Variants in ZDHHC15 observed in about 807,000 individuals in gnomAD.
ZDHHC15 encodes zDHHC palmitoyltransferase 15, also known as palmitoyltransferase ZDHHC15.
A neutral mutation model predicts 31.7 loss-of-function variants in ZDHHC15; 19 were observed. The observed-to-expected ratio is 0.60, with a 90% CI of 0.42 to 0.88. ZDHHC15 has a LOEUF of 0.88. Ranked by LOEUF, ZDHHC15 falls within the 40% of genes least tolerant of loss-of-function variation. ZDHHC15 has a pLI of 0.00. For missense variants in ZDHHC15, 209 were observed against 251.2 expected (o/e 0.83, Z 1.14); for synonymous variants, 103 against 90.0 (o/e 1.14, Z -0.82).
chrX:75,418,598 G>A (rs1337009842), intron 9 of ZDHHC15, among the ~76,000 whole-genome samples: 1 of 111,843 alleles, frequency 8.9e-6, no homozygotes, highest in Non-Finnish European at 1.9e-5. Flanking sequence ...AAATAGCATG[G>A]TACTGATATG....
chrX:75,487,642 A>T (rs2147999724), intron 2 of ZDHHC15, among the ~76,000 whole-genome samples: 1 of 112,230 alleles, frequency 8.9e-6, no homozygotes, highest in East Asian at 2.8e-4. Flanking sequence ...TCACCAAAAG[A>T]TCACACTAGC....
intron 11 of ZDHHC15, among the ~76,000 whole-genome samples, chrX:75,376,820 A>AAAAT (rs1405893947): frequency 8.9e-6 from 1 of 112,011 alleles, no homozygotes; most frequent in African/African-American, 3.2e-5. Flanking sequence ...CATTTTGAAG[A>AAAAT]AAATATAATC....
Position 75,372,085 on chromosome X carries a change from A to T in ZDHHC15, c.*893T>A, listed in dbSNP as rs748999206. The T allele has an allele frequency of 8.9e-6, 1 of 112,103 alleles. No homozygotes were observed. Among genetic ancestry groups the T allele is most frequent in the Non-Finnish European group, 1.9e-5 (1 of 53,192 alleles). The allele number at this position is 112,103 out of a possible 1,213,427, so 9.2% of individuals were successfully genotyped here. ...ACCCTTAACAAAACCTATGGGCCAT[A>T]ACTTAGGCTTATAGATTTTCTTTCA... On this transcript the variant is annotated 3_prime_UTR_variant, in exon 12 of 12. Transcript: ENST00000373367.
chrX:75,452,374 AC>A (rs2084136785), intron 3 of ZDHHC15, among the ~76,000 whole-genome samples: 1 of 111,474 alleles, frequency 9.0e-6, no homozygotes, highest in African/African-American at 3.3e-5. Context: ...ATACAGGAGC[AC>A]CCAGATTCAT....
In ZDHHC15 at chrX:75,429,063, A is replaced by T; in HGVS notation, c.603+15T>A. On this transcript the variant is annotated intron_variant, in intron 7 of 11. Transcript: ENST00000373367. Reference sequence around the variant, plus strand: ...CATTTGTTCTAGGGGACCCTTCAGGATATTTTTAACTTACTCTCCAGTATT... The same window carrying T: ...CATTTGTTCTAGGGGACCCTTCAGGTTATTTTTAACTTACTCTCCAGTATT... 6 of 1,207,601 alleles carry T rather than the reference A, an allele frequency of 5.0e-6. No individual in the cohort carries two copies. Among genetic ancestry groups the T allele is most frequent in the Non-Finnish European group, 6.7e-6 (6 of 893,862 alleles).
rs189318355 is a variant in ZDHHC15 at position 75,415,070 on chromosome X, G to A, written c.967+2017C>T. Among the ~76,000 whole-genome samples, 429 of 110,849 alleles carry A rather than the reference G, an allele frequency of 3.9e-3. 3 individuals are homozygous for A. The highest frequency in any genetic ancestry group is 0.013 in the African/African-American group (400 of 30,526). On this transcript the variant is annotated intron_variant, in intron 10 of 11. Transcript: ENST00000373367. ...ATTACAAGCGTGAGCTACAGCGCCC[G>A]GCCATACAAGCACATTTATACTAAA...
chrX:75,465,122 T>A (rs1306706497), intron 3 of ZDHHC15, among the ~76,000 whole-genome samples: 1 of 112,139 alleles, frequency 8.9e-6, no homozygotes, highest in Admixed American at 9.5e-5. Context: ...GGATACAAAA[T>A]TAATGTGCAA....
intron 10 of ZDHHC15, among the ~76,000 whole-genome samples, chrX:75,392,470 C>T (rs1052221983): frequency 8.0e-5 from 9 of 112,054 alleles, no homozygotes; most frequent in Non-Finnish European, 1.7e-4. Context: ...TTGTATTCTT[C>T]AGTCCAATCA....
chrX:75,507,447 G>T (rs2085185985), intron 1 of ZDHHC15, among the ~76,000 whole-genome samples: 1 of 110,610 alleles, frequency 9.0e-6, no homozygotes, highest in Admixed American at 9.7e-5. Flanking sequence ...CACTTATCTT[G>T]GTACTTCTGC....
chrX:75,402,406 A>G (rs1242737490), intron 10 of ZDHHC15, among the ~76,000 whole-genome samples: 1 of 111,531 alleles, frequency 9.0e-6, no homozygotes, highest in Admixed American at 9.5e-5. Context: ...GCTGAACTGA[A>G]GGAAATCAAG....
rs938401405 is a variant in ZDHHC15, at chrX:75,505,676, T to C, written c.163+145A>G. 7 of 647,941 alleles carry C rather than the reference T, an allele frequency of 1.1e-5. No individual in the cohort carries two copies. The African/African-American group carries it at 1.6e-4, about 14-fold the overall frequency. 53.4% of individuals were successfully genotyped at this position (647,941 alleles called of 1,213,427 possible). A position where few individuals can be genotyped will look rare whatever the true frequency, so the allele number is the denominator to read the frequency against. ...TGTTTTTCTCTATCTCTGTGTAAGC[T>C]TCCTGAAAACCATCATTCTAAACTT... On this transcript the variant is annotated intron_variant, in intron 2 of 11. Transcript: ENST00000373367.
chrX:75,384,967 G>T, intron 10 of ZDHHC15: 1 of 421,224 alleles, frequency 2.4e-6, no homozygotes, highest in Non-Finnish European at 4.1e-6. Flanking sequence ...GGGCAATTTG[G>T]TACCCTTGAA....
chrX:75,489,523 T>A (rs2084837766), intron 2 of ZDHHC15, among the ~76,000 whole-genome samples: 1 of 112,038 alleles, frequency 8.9e-6, no homozygotes, highest in Non-Finnish European at 1.9e-5. Flanking sequence ...GACCTGCAGC[T>A]GAGGGTCCTC....
chrX:75,454,807 C>A (rs1602654343), intron 3 of ZDHHC15, among the ~76,000 whole-genome samples: 2 of 111,282 alleles, frequency 1.8e-5, no homozygotes, highest in African/African-American at 6.5e-5. Context: ...ATCCAACTTA[C>A]AAGGGATGTG....
intron 7 of ZDHHC15, 150 bp downstream of exon 7, chrX:75,428,928 A>T: frequency 2.6e-6 from 2 of 767,737 alleles, no homozygotes; most frequent in Non-Finnish European, 3.7e-6. Flanking sequence ...AGTATTCAAT[A>T]TGGAAAACCT....
chrX:75,430,187 C>T (rs2083763379), intron 5 of ZDHHC15, among the ~76,000 whole-genome samples: 1 of 111,730 alleles, frequency 9.0e-6, no homozygotes, highest in South Asian at 3.7e-4. Flanking sequence ...ATCATGCCAG[C>T]AGCAAGTTAC....
intron 5 of ZDHHC15, among the ~76,000 whole-genome samples, chrX:75,430,931 C>G (rs1218898184): frequency 9.0e-6 from 1 of 111,151 alleles, no homozygotes; most frequent in Non-Finnish European, 1.9e-5. Context: ...TAAATACTGT[C>G]AAGGTTATCA....
At chrX:75,461,683 C>T (rs1490731525) in intron 3 of ZDHHC15, among the ~76,000 whole-genome samples, 2 of 111,852 alleles carry the variant, frequency 1.8e-5, no homozygotes, top group Non-Finnish European at 3.8e-5. Context: ...CCAAACTAAG[C>T]TTCCTAACTG....
chrX:75,471,397 C>T (rs892620861), intron 3 of ZDHHC15, among the ~76,000 whole-genome samples: 1 of 112,147 alleles, frequency 8.9e-6, no homozygotes, highest in Non-Finnish European at 1.9e-5. Flanking sequence ...AGCAAATACA[C>T]TGGACTTATT....
Sources: gnomAD v4.1 joint callset for allele counts (sites outside exome capture counted in the v4.1 genomes callset) on GRCh38, gnomAD v4.1.1 for gene constraint, MANE v1.5 for transcripts, NCBI Gene and HGNC (gene_info 2026-07-23, HGNC 2026-07-21) for gene names.